The following ANK3 variants were observed in gnomAD, a reference collection of about 807,000 sequenced individuals.
ANK3 encodes ankyrin 3, also known as ankyrin-3.
Under a neutral mutation model 370.9 loss-of-function variants are expected in ANK3, and 57 were observed. The ratio of observed to expected loss-of-function variants is 0.15; its 90% CI spans 0.12 to 0.19. The LOEUF (loss-of-function observed/expected upper bound fraction) is 0.19. Among genes scored for constraint, ANK3 ranks in the 10% least tolerant of loss-of-function variants. The pLI is 1.00. For synonymous variants in ANK3, 1,929 were observed against 1,946.3 expected, an observed-to-expected ratio of 0.99 and a Z score of 0.23; for missense variants, 4,439 against 5,302.1, an observed-to-expected ratio of 0.84 and a Z score of 5.06.
chr10:60,387,402 T>C, intron 1 of ANK3, among the ~76,000 whole-genome samples: 1 of 152,132 alleles, frequency 6.6e-6, no homozygotes, highest in Non-Finnish European at 1.5e-5. Flanking sequence ...CTGAAGGAAA[T>C]CTAGAGTGTT....
At chr10:60,141,561 G>GTTT (rs36033791) in intron 23 of ANK3, among the ~76,000 whole-genome samples, 5,417 of 47,372 alleles carry the variant, frequency 0.11, 337 homozygotes, top group East Asian at 0.16. Flanking sequence ...TTCAATTGCT[G>GTTT]TTTTTTTTTT....
intron 7 of ANK3, 63 bp downstream of exon 7, chr10:60,261,796 G>C (rs2097809721): frequency 4.1e-6 from 6 of 1,448,488 alleles, no homozygotes; most frequent in Non-Finnish European, 5.8e-6. Context: ...CCTCATGTTG[G>C]GGAAAGAGAG....
chr10:60,337,522 C>A (rs1017562160), intron 1 of ANK3, among the ~76,000 whole-genome samples: 1 of 152,122 alleles, frequency 6.6e-6, no homozygotes, highest in African/African-American at 2.4e-5. Flanking sequence ...GAATACTTTC[C>A]CTATTAAATT....
intron 7 of ANK3, among the ~76,000 whole-genome samples, chr10:60,249,608 A>G (rs1401450259): frequency 6.6e-6 from 1 of 152,176 alleles, no homozygotes; most frequent in Non-Finnish European, 1.5e-5. Flanking sequence ...CAAACATGTC[A>G]AGAAATGAAA....
Position 60,072,695 on chromosome 10 carries a change from T to C in ANK3, c.8186A>G (p.Lys2729Arg). ...RLKFEQGTHA[K>R]SKDMSQEDRK... ...GTCTTCTTGAGACATGTCCTTACTT[T>C]TTGCGTGTGTGCCTTGTTCAAATTT... Residue 2729 changes from lysine to arginine, a missense_variant, in exon 37 of 44, where the codon AAA (lysine) becomes AGA (arginine). Lys to Arg is a conservative substitution (Grantham distance 26). This residue lies in a region of ANK3 where 1,601 missense variants were observed against 1,731.7 expected (regional missense o/e 0.92). Coordinates refer to ENST00000280772, the MANE Select transcript of ANK3 (RefSeq NM_020987.5). The C allele has an allele frequency of 2.5e-6, 4 of 1,614,092 alleles. No individual in the cohort carries two copies. Among genetic ancestry groups the C allele is most frequent in the Non-Finnish European group, 2.5e-6 (3 of 1,179,988 alleles).
At chr10:60,635,323 A>G (rs1378850878) in intron 1 of ANK3, among the ~76,000 whole-genome samples, 1 of 152,188 alleles carries the variant, frequency 6.6e-6, no homozygotes, top group Non-Finnish European at 1.5e-5. Context: ...TGTAATTTGA[A>G]TAAACTCATG....
At chr10:60,536,665 C>A (rs906855639) in intron 2 of ANK3, among the ~76,000 whole-genome samples, 1 of 151,898 alleles carries the variant, frequency 6.6e-6, no homozygotes, top group Admixed American at 6.6e-5. Context: ...AACAAAAAAA[C>A]ACGTCCACTT....
At chr10:60,496,716 C>A (rs1299755970) in intron 2 of ANK3, among the ~76,000 whole-genome samples, 2 of 134,200 alleles carry the variant, frequency 1.5e-5, no homozygotes, top group Non-Finnish European at 3.1e-5. Context: ...GTATTCTCTG[C>A]ATAACTTTTT....
chr10:60,708,258 A>G (rs1034258864), intron 1 of ANK3, among the ~76,000 whole-genome samples: 1 of 152,220 alleles, frequency 6.6e-6, no homozygotes, highest in Non-Finnish European at 1.5e-5. Context: ...ACAGGTAGAC[A>G]ATCCTGCCTA....
intron 1 of ANK3, among the ~76,000 whole-genome samples, chr10:60,621,823 T>A (rs2078341865): frequency 1.3e-5 from 2 of 152,190 alleles, no homozygotes; most frequent in South Asian, 4.1e-4. Context: ...ATCCAATTAC[T>A]CAGCTGATAA....
intron 1 of ANK3, among the ~76,000 whole-genome samples, chr10:60,348,048 G>T (rs976888239): frequency 2.0e-5 from 3 of 152,006 alleles, no homozygotes; most frequent in Non-Finnish European, 4.4e-5. Context: ...CCTTGTACTT[G>T]AAGTGTCAGC....
intron 2 of ANK3, among the ~76,000 whole-genome samples, chr10:60,614,991 C>T (rs2078248989): frequency 6.6e-6 from 1 of 152,120 alleles, no homozygotes; most frequent in Non-Finnish European, 1.5e-5. Context: ...GACCAGGTTG[C>T]TCCACTAGGC....
At chr10:60,043,142 T>C (rs781664500) in intron 42 of ANK3, 11 of 995,576 alleles carry the variant, frequency 1.1e-5, no homozygotes, top group Non-Finnish European at 1.2e-5. Flanking sequence ...TACTAATCCA[T>C]GGAAATGCTG....
At chr10:60,499,258 A>C (rs892943741) in intron 2 of ANK3, among the ~76,000 whole-genome samples, 10 of 152,338 alleles carry the variant, frequency 6.6e-5, no homozygotes, top group Admixed American at 3.3e-4. Context: ...TCTAAAAAGT[A>C]ACAGGAATCT....
chr10:60,086,518 C>CAGAGATG (rs1258940899), intron 30 of ANK3, 159 bp downstream of exon 30: 5 of 577,082 alleles, frequency 8.7e-6, no homozygotes, highest in Admixed American at 3.7e-5. Context: ...CTTGGGAAAC[C>CAGAGATG]AGAGATGAGG....
Position 60,069,630 on chromosome 10 carries a change from T to C in ANK3, c.11251A>G (p.Ser3751Gly), listed in dbSNP as rs200489439. 200 of 1,614,102 alleles carry C rather than the reference T, an allele frequency of 1.2e-4. No homozygotes were observed. Among genetic ancestry groups the C allele is most frequent in the Non-Finnish European group, 5.3e-5 (63 of 1,180,018 alleles). ...GTTTCATTTTCTAATCCCTGACAACTGGTCATCACCGCTTCTATCTTATCT... is the reference window on the plus strand; with the variant it reads ...GTTTCATTTTCTAATCCCTGACAACCGGTCATCACCGCTTCTATCTTATCT... ...ITDKIEAVMT[S>G]CQGLENETIT... is the part of the protein sequence containing the mutation. The change falls in exon 37 of 44, where the codon AGT becomes GGT. Residue 3751 changes from serine to glycine, a missense_variant. Around this residue, in one of 13 missense-constraint regions of ANK3, gnomAD observed 496 missense variants for 529.3 expected, o/e 0.94. Coordinates refer to ENST00000280772, the MANE Select transcript of ANK3 (RefSeq NM_020987.5).
chr10:60,598,797 A>G (rs1224371331), intron 2 of ANK3, among the ~76,000 whole-genome samples: 1 of 152,240 alleles, frequency 6.6e-6, no homozygotes, highest in East Asian at 1.9e-4. Flanking sequence ...ACATTACATC[A>G]GAAATATTAT....
Position 60,055,908 on chromosome 10 carries a change from T to G in ANK3, c.12815A>C (p.Asn4272Thr), listed in dbSNP as rs746822793. The change falls in exon 42 of 44, where the codon AAT becomes ACT. Residue 4272 changes from asparagine (N) to threonine (T), a missense_variant. Transcript: ENST00000280772. Reference sequence around the variant, plus strand: ...CTTGGTACTCTGTTTTCCTACATCATTTTGGGATTCTGGAAAGTAAGATTT... The same window carrying G: ...CTTGGTACTCTGTTTTCCTACATCAGTTTGGGATTCTGGAAAGTAAGATTT... ...KTKSYFPESQ[N>T]DVGKQSTKET... The G allele has an allele frequency of 1.2e-6, 2 of 1,614,164 alleles. No individual in the cohort carries two copies. Among genetic ancestry groups the G allele is most frequent in the Admixed American group, 3.3e-5 (2 of 60,020 alleles).
At chr10:60,301,446 C>A (rs1320928374) in intron 1 of ANK3, among the ~76,000 whole-genome samples, 2 of 146,274 alleles carry the variant, frequency 1.4e-5, no homozygotes, top group Non-Finnish European at 3.0e-5. Flanking sequence ...CAGAGTCTCA[C>A]TCTGTCACCC....
Sources: allele counts gnomAD v4.1 joint callset (sites outside exome capture counted in the v4.1 genomes callset), GRCh38; gene constraint gnomAD v4.1.1; regional missense constraint gnomAD v4.1.1; transcripts MANE v1.5; gene names NCBI Gene and HGNC (gene_info 2026-07-23, HGNC 2026-07-21).